ZNF713: variants seen among roughly 807,000 people sequenced by gnomAD.
ZNF713 encodes the protein zinc finger protein 713.
ZNF713 carries 21 observed loss-of-function variants against 28.7 expected under a neutral mutation model. The observed-to-expected ratio is 0.73, with a 90% CI of 0.52 to 1.05. The LOEUF (loss-of-function observed/expected upper bound fraction) is 1.05. Among genes scored for constraint, ZNF713 ranks in the 50% least tolerant of loss-of-function variants. The pLI is 0.00. For synonymous variants in ZNF713, 167 were observed against 178.0 expected, an observed-to-expected ratio of 0.94 and a Z score of 0.49; for missense variants, 458 against 532.4, an observed-to-expected ratio of 0.86 and a Z score of 1.37.
At chr7:55,926,784 G>A (rs1442298667) in intron 6 of ZNF713, among the ~76,000 whole-genome samples, 1 of 152,194 alleles carries the variant, frequency 6.6e-6, no homozygotes, top group Non-Finnish European at 1.5e-5. Context: ...GAACAACGGG[G>A]AGGTTTAAAA....
At chr7:55,891,136 A>G (rs1414073692) in intron 1 of ZNF713, among the ~76,000 whole-genome samples, 1 of 152,210 alleles carries the variant, frequency 6.6e-6, no homozygotes, top group Non-Finnish European at 1.5e-5. Flanking sequence ...TGATTAGTTC[A>G]TCAGCAAATA....
chr7:55,903,080 G>C (rs991293216), intron 1 of ZNF713, among the ~76,000 whole-genome samples: 4 of 151,434 alleles, frequency 2.6e-5, no homozygotes, highest in African/African-American at 9.7e-5. Context: ...ATTAGGACAA[G>C]TAGAGTGAGT....
At chr7:55,898,664 A>T (rs1785517722) in intron 1 of ZNF713, among the ~76,000 whole-genome samples, 1 of 152,230 alleles carries the variant, frequency 6.6e-6, no homozygotes, top group African/African-American at 2.4e-5. Context: ...CAGTAGGGAC[A>T]CAAATCCAAA....
intron 5 of ZNF713, 126 bp downstream of exon 5, chr7:55,923,414 G>A: frequency 7.5e-7 from 1 of 1,334,326 alleles, no homozygotes; most frequent in Non-Finnish European, 1.0e-6. Flanking sequence ...ATCAGTTTTG[G>A]AGTCAAAGAC....
intron 3 of ZNF713, 88 bp from the exon 4 acceptor site, chr7:55,912,547 G>C: frequency 1.1e-6 from 1 of 911,530 alleles, no homozygotes. Context: ...TCTCAGTACT[G>C]TCTGCCATAC....
In ZNF713 at chr7:55,912,742, TC is replaced by T; in HGVS notation, c.87+21del. 1 of 1,592,270 alleles carries T rather than the reference TC, an allele frequency of 6.3e-7. No homozygotes were observed. Among genetic ancestry groups the T allele is most frequent in the South Asian group, 1.1e-5 (1 of 89,824 alleles). On this transcript the variant is annotated intron_variant, in intron 4 of 6. Transcript: ENST00000429591. ...ATCTCAGGTAAGTTCAGTTTTCCTC[TC>T]CTCTGAAATGCCAGTGTTCTCAGAA... is the stretch of plus-strand genomic sequence containing the variant.
chr7:55,908,922 G>T (rs1367168948), intron 2 of ZNF713, among the ~76,000 whole-genome samples: 1 of 151,826 alleles, frequency 6.6e-6, no homozygotes, highest in South Asian at 2.1e-4. Context: ...AAAGATAGGG[G>T]TCCAGGCCGG....
At chr7:55,898,774 C>A (rs1785519028) in intron 1 of ZNF713, among the ~76,000 whole-genome samples, 1 of 151,968 alleles carries the variant, frequency 6.6e-6, no homozygotes, top group Non-Finnish European at 1.5e-5. Flanking sequence ...TAGACATTCT[C>A]ATTCACAAAA....
intron 4 of ZNF713, among the ~76,000 whole-genome samples, chr7:55,915,097 T>G (rs1785856047): frequency 6.6e-6 from 1 of 152,190 alleles, no homozygotes; most frequent in Non-Finnish European, 1.5e-5. Context: ...TCCCAAAGTA[T>G]TGGGATTATA....
At chr7:55,916,277 T>A (rs1785879725) in intron 4 of ZNF713, among the ~76,000 whole-genome samples, 1 of 152,222 alleles carries the variant, frequency 6.6e-6, no homozygotes, top group Admixed American at 6.5e-5. Context: ...CTTCCCCTTA[T>A]TCCATTCTAG....
intron 6 of ZNF713, among the ~76,000 whole-genome samples, chr7:55,936,121 C>T (rs13245395): frequency 0.011 from 1,652 of 151,768 alleles, 23 homozygotes; most frequent in Middle Eastern, 0.027. Context: ...AAAAATTAGC[C>T]AGGCATGATA....
At chr7:55,888,337 T>G (rs919910906) in intron 1 of ZNF713, among the ~76,000 whole-genome samples, 3 of 152,172 alleles carry the variant, frequency 2.0e-5, no homozygotes, top group Non-Finnish European at 2.9e-5. Context: ...CAGTGACACT[T>G]TTATTACATT....
intron 1 of ZNF713, among the ~76,000 whole-genome samples, chr7:55,904,013 A>G (rs899031586): frequency 3.3e-5 from 5 of 152,090 alleles, no homozygotes; most frequent in African/African-American, 4.8e-5. Context: ...TCAACTACAG[A>G]GGAAAAAGAG....
intron 6 of ZNF713, 124 bp from the exon 7 acceptor site, chr7:55,938,858 G>T: frequency 1.0e-6 from 1 of 986,694 alleles, no homozygotes; most frequent in Non-Finnish European, 1.5e-6. Context: ...TTTCAATGCC[G>T]TGTATGCCTT....
chr7:55,902,379 A>C lies in ZNF713; in HGVS notation c.-582-3874A>C, dbSNP rs151323463. 9.1e-4 allele frequency among the ~76,000 whole-genome samples: 138 copies of C among 152,354 alleles called. 1 individual carries two copies. In the Middle Eastern group the frequency reaches 0.01, roughly 11 times the overall value. On this transcript the variant is annotated intron_variant, in intron 1 of 6. Coordinates refer to ENST00000429591, the MANE Select transcript of ZNF713 (RefSeq NM_182633.3). ...GTATACAAGAGCACTAAAGCATTTAATAGACAAAGTAATGTTAATCTATTG... is the reference window on the plus strand; with the variant it reads ...GTATACAAGAGCACTAAAGCATTTACTAGACAAAGTAATGTTAATCTATTG...
chr7:55,940,163 C>T lies in ZNF713; in HGVS notation c.*157C>T. 3 of 1,290,294 alleles carry T rather than the reference C, an allele frequency of 2.3e-6. No individual in the cohort carries two copies. The highest frequency in any genetic ancestry group is 3.1e-6 in the Non-Finnish European group (3 of 981,964). 79.9% of individuals were successfully genotyped at this position (1,290,294 alleles called of 1,614,324 possible). ...TTTGAGACTGAGTCTCACTCTGTCA[C>T]CCAGGCTGAAGTGCAGTGGTACAAT... On this transcript the variant is annotated 3_prime_UTR_variant, in exon 7 of 7. Transcript: ENST00000429591.
chr7:55,901,371 T>A (rs1785573393), intron 1 of ZNF713, among the ~76,000 whole-genome samples: 1 of 152,186 alleles, frequency 6.6e-6, no homozygotes, highest in Non-Finnish European at 1.5e-5. Flanking sequence ...ATGATTCAGT[T>A]ACCTCCCACT....
chr7:55,895,106 G>T (rs1785449915), intron 1 of ZNF713, among the ~76,000 whole-genome samples: 1 of 152,148 alleles, frequency 6.6e-6, no homozygotes, highest in Non-Finnish European at 1.5e-5. Flanking sequence ...GTATAGGAAA[G>T]ATCACTCTGG....
At chr7:55,934,984 G>A (rs567528437) in intron 6 of ZNF713, among the ~76,000 whole-genome samples, 255 of 151,596 alleles carry the variant, frequency 1.7e-3, no homozygotes, top group Non-Finnish European at 2.1e-3. Flanking sequence ...CGCCTCCTGG[G>A]TTCAAGTGAT....
Sources: allele counts gnomAD v4.1 joint callset (sites outside exome capture counted in the v4.1 genomes callset), GRCh38; gene constraint gnomAD v4.1.1; transcripts MANE v1.5; gene names NCBI Gene and HGNC (gene_info 2026-07-23, HGNC 2026-07-21).